Variants in PPP6R2 observed in about 807,000 individuals in gnomAD.
The protein encoded by PPP6R2 is serine/threonine-protein phosphatase 6 regulatory subunit 2.
Under a neutral mutation model 100.2 loss-of-function variants are expected in PPP6R2, and 62 were observed. The ratio of observed to expected loss-of-function variants is 0.62; its 90% CI spans 0.50 to 0.76. The LOEUF is 0.76. PPP6R2 is among the 30% of genes least tolerant of loss of function. The pLI is 0.00. For synonymous variants in PPP6R2, 525 were observed against 514.7 expected, an observed-to-expected ratio of 1.02 and a Z score of -0.27; for missense variants, 1,142 against 1,276.3, an observed-to-expected ratio of 0.89 and a Z score of 1.60.
At chr22:50,440,533 C>T (rs1409954725) in intron 21 of PPP6R2, among the ~76,000 whole-genome samples, 3 of 152,214 alleles carry the variant, frequency 2.0e-5, no homozygotes, top group Non-Finnish European at 2.9e-5. Flanking sequence ...GGAGCTGTGG[C>T]AGGACCACAC....
chr22:50,354,721 G>T (rs1458077136), intron 1 of PPP6R2, among the ~76,000 whole-genome samples: 6 of 151,826 alleles, frequency 4.0e-5, no homozygotes, highest in Admixed American at 3.9e-4. Flanking sequence ...AGCTACTCAG[G>T]AGGCTGAGGC....
At position 50,423,440 on chromosome 22, in the gene PPP6R2, G is replaced by C; in HGVS notation, c.973-22G>C. ...CTCACTGCTCACAGGGCCTAACTGGGTGGTGCCTTCTGTGTTTGCAGAAGA... is the reference window on the plus strand; with the variant it reads ...CTCACTGCTCACAGGGCCTAACTGGCTGGTGCCTTCTGTGTTTGCAGAAGA... On this transcript the variant is annotated intron_variant, in intron 9 of 23. Transcript: ENST00000612753. The surrounding 1 kb of genome is among the most constrained non-coding windows in gnomAD (Gnocchi z 4.8). 1 of 1,614,000 alleles carries C rather than the reference G, an allele frequency of 6.2e-7. No individual in the cohort carries two copies. The highest frequency in any genetic ancestry group is 2.2e-5 in the East Asian group (1 of 44,876).
chr22:50,406,750 G>A lies in PPP6R2; in HGVS notation c.289G>A (p.Gly97Ser), dbSNP rs768700418. ...CDVPQISDRL[G>S]GDESLLSLLY... ...TGTGCCGCAGATCAGCGACCGCCTC[G>A]GTGGGGACGAGAGCCTGCTGAGCCT... Residue 97 changes from glycine to serine, a missense_variant, in exon 4 of 24, where the codon GGT becomes AGT. Transcript: ENST00000612753. 1.2e-5 allele frequency: 20 copies of A among 1,613,960 alleles called. No homozygotes were observed. Among genetic ancestry groups the A allele is most frequent in the African/African-American group, 9.3e-5 (7 of 74,916 alleles).
At chr22:50,435,604 C>T (rs1465320332) in intron 13 of PPP6R2, among the ~76,000 whole-genome samples, 2 of 152,250 alleles carry the variant, frequency 1.3e-5, no homozygotes, top group Non-Finnish European at 2.9e-5. Context: ...CCAGCTGTGG[C>T]CTCTCCTCCC....
chr22:50,422,372 C>G lies in PPP6R2; in HGVS notation c.964C>G (p.Pro322Ala), dbSNP rs1338761582. The change falls in exon 9 of 24, where the codon CCG (proline) becomes GCG (alanine). Residue 322 changes from proline (P) to alanine (A), a missense_variant. Pro to Ala is a conservative substitution (Grantham distance 27). Coordinates refer to ENST00000612753, the MANE Select transcript of PPP6R2 (RefSeq NM_001242898.2). ...GGACTTCCACCAGCTCCTGCTCAAC[C>G]CGCCCAAGGTAAATGGCCGTGGCGA... ...LKDFHQLLLN[P>A]PKKKAILTTI... is the part of the protein sequence containing the mutation. The G allele has an allele frequency of 6.2e-7, 1 of 1,614,030 alleles. No individual in the cohort carries two copies. Among genetic ancestry groups the G allele is most frequent in the Non-Finnish European group, 8.5e-7 (1 of 1,179,948 alleles).
intron 8 of PPP6R2, among the ~76,000 whole-genome samples, chr22:50,420,008 G>A (rs923944592): frequency 1.3e-5 from 2 of 152,086 alleles, no homozygotes; most frequent in African/African-American, 2.4e-5. Flanking sequence ...TTCATCAGGT[G>A]TCATTTCTGC....
At chr22:50,355,098 C>T (rs1482613336) in intron 1 of PPP6R2, among the ~76,000 whole-genome samples, 1 of 152,044 alleles carries the variant, frequency 6.6e-6, no homozygotes, top group African/African-American at 2.4e-5. Flanking sequence ...CCACCTCAGC[C>T]TCCCAAAGTA....
intron 1 of PPP6R2, among the ~76,000 whole-genome samples, chr22:50,369,930 G>C (rs2049671942): frequency 8.2e-6 from 1 of 122,374 alleles, no homozygotes; most frequent in Admixed American, 8.1e-5. Flanking sequence ...TTTTTTTTAA[G>C]TAGAGGCAAG....
intron 3 of PPP6R2, among the ~76,000 whole-genome samples, chr22:50,397,446 A>G (rs908649631): frequency 6.6e-5 from 10 of 152,086 alleles, no homozygotes; most frequent in South Asian, 2.1e-4. Context: ...GAAGAAATGT[A>G]TGTGTGTATT....
intron 10 of PPP6R2, among the ~76,000 whole-genome samples, chr22:50,430,901 C>T (rs1441781939): frequency 2.0e-5 from 3 of 148,954 alleles, no homozygotes; most frequent in South Asian, 4.3e-4. Flanking sequence ...AGAATAAACC[C>T]GCAGAAAGTA....
intron 1 of PPP6R2, among the ~76,000 whole-genome samples, chr22:50,353,339 C>T (rs548465873): frequency 1.4e-4 from 22 of 152,068 alleles, no homozygotes; most frequent in Non-Finnish European, 2.5e-4. Flanking sequence ...TACGTTATTA[C>T]TGTTGTGTCT....
chr22:50,424,403 G>A lies in PPP6R2; in HGVS notation c.1125+789G>A, dbSNP rs1388094068. 6.7e-4 allele frequency among the ~76,000 whole-genome samples: 99 copies of A among 147,450 alleles called. 1 individual carries two copies. In the East Asian group the frequency reaches 8.3e-3, roughly 12 times the overall value. On this transcript the variant is annotated intron_variant, in intron 10 of 23. Transcript: ENST00000612753. ...CCGTCCGCGTGTGGAAGGTCCGTCA[G>A]TGTGTGGAAGGTCCGTCCGCGTGTG...
At chr22:50,385,442 A>G (rs1309882088) in intron 2 of PPP6R2, among the ~76,000 whole-genome samples, 2 of 149,174 alleles carry the variant, frequency 1.3e-5, no homozygotes, top group Admixed American at 1.3e-4. Context: ...CAGGTGATCC[A>G]CCTGCCTTGG....
chr22:50,341,061 C>A (rs2042364649), upstream of PPP6R2, among the ~76,000 whole-genome samples: 1 of 152,084 alleles, frequency 6.6e-6, no homozygotes, highest in Admixed American at 6.6e-5. Flanking sequence ...CAGGCGCCCG[C>A]CACCGCGCCT....
chr22:50,438,959 C>T (rs28639928), intron 19 of PPP6R2, among the ~76,000 whole-genome samples, 197 bp downstream of exon 19: 2,850 of 152,334 alleles, frequency 0.019, 81 homozygotes, highest in African/African-American at 0.064. Context: ...AGGTGGCCTC[C>T]TGCCCCTGCC....
In PPP6R2 at chr22:50,431,234, C is replaced by G. The variant is rs1214736408; in HGVS notation, c.1187C>G (p.Ala396Gly). The change falls in exon 11 of 24, where the codon GCC becomes GGC. Residue 396 changes from alanine to glycine, a missense_variant. This residue lies in a region of PPP6R2 where 592 missense variants were observed against 758.9 expected (regional missense o/e 0.78). Transcript: ENST00000612753. The surrounding 1 kb of genome is among the most constrained non-coding windows in gnomAD (Gnocchi z 4.8). ...CACTTCCAAGTGGAACTATGCATAG[C>G]CGCTATTCTCTCCCACGCTGCCCGT... Reference protein sequence around the residue: ...FLHFQVELCIAAILSHAAREE... With the variant: ...FLHFQVELCIGAILSHAAREE... 6.2e-7 allele frequency: 1 copy of G among 1,613,882 alleles called. No individual in the cohort carries two copies. Among genetic ancestry groups the G allele is most frequent in the Non-Finnish European group, 8.5e-7 (1 of 1,179,992 alleles).
intron 2 of PPP6R2, among the ~76,000 whole-genome samples, chr22:50,379,639 T>A (rs182069182): frequency 4.3e-4 from 65 of 152,202 alleles, no homozygotes; most frequent in Admixed American, 8.5e-4. Context: ...CTGCCTGTAA[T>A]TCCAGCACTT....
intron 17 of PPP6R2, 126 bp from the exon 18 acceptor site, chr22:50,438,048 C>T (rs779054901): frequency 5.1e-5 from 76 of 1,495,654 alleles, no homozygotes; most frequent in South Asian, 1.5e-4. Context: ...CTTGCCCCTC[C>T]CCGTCCTCCC....
At chr22:50,356,881 G>C (rs57198842) in intron 1 of PPP6R2, among the ~76,000 whole-genome samples, 33,047 of 151,354 alleles carry the variant, frequency 0.22, 5,391 homozygotes, top group African/African-American at 0.45. Flanking sequence ...TTGCAGTGAG[G>C]CAAGATCGTG....
Sources: allele counts gnomAD v4.1 joint callset (sites outside exome capture counted in the v4.1 genomes callset), GRCh38; gene constraint gnomAD v4.1.1; regional missense constraint gnomAD v4.1.1; non-coding constraint Gnocchi (gnomAD v3.1); transcripts MANE v1.5; gene names NCBI Gene and HGNC (gene_info 2026-07-23, HGNC 2026-07-21).